ITPK1: variants seen among roughly 807,000 people sequenced by gnomAD.
ITPK1 encodes the protein inositol 1,3,4-trisphosphate 5/6-kinase.
Under a neutral mutation model 45.3 loss-of-function variants are expected in ITPK1, and 21 were observed. The ratio of observed to expected loss-of-function variants is 0.46; its 90% confidence interval spans 0.33 to 0.67. The LOEUF (loss-of-function observed/expected upper bound fraction) is 0.67. ITPK1 is among the 30% of genes least tolerant of loss of function. ITPK1 has a pLI of 0.02. For synonymous variants in ITPK1, 258 were observed against 253.6 expected (o/e 1.02, Z -0.16); for missense variants, 474 against 573.5 (o/e 0.83, Z 1.77).
intron 2 of ITPK1, among the ~76,000 whole-genome samples, chr14:93,091,806 ACCTAG>A (rs928520467): frequency 1.3e-4 from 20 of 152,260 alleles, no homozygotes; most frequent in African/African-American, 4.6e-4. Context: ...AAGGAGGCAA[ACCTAG>A]CTCTGCCAGG....
intron 2 of ITPK1, among the ~76,000 whole-genome samples, chr14:93,109,042 A>C (rs1892636425): frequency 6.6e-6 from 1 of 152,188 alleles, no homozygotes; most frequent in South Asian, 2.1e-4. Flanking sequence ...ATGAAAAAGT[A>C]AAATGCCTGT....
At chr14:93,113,965 C>T (rs1365355058) in intron 2 of ITPK1, among the ~76,000 whole-genome samples, 4 of 152,234 alleles carry the variant, frequency 2.6e-5, no homozygotes, top group African/African-American at 9.7e-5. Flanking sequence ...CTGCGCATGC[C>T]AGCTCAGACC....
rs1888189911 is a variant in ITPK1 at position 93,016,590 on chromosome 14, G to A, written c.246+86C>T. ...ACTATACCTCCAGAGAGCTGCTACC[G>A]CCCTAAATACACACACGGCCATTCC... On this transcript the variant is annotated intron_variant, in intron 4 of 10. Transcript: ENST00000267615. This position sits in a 1 kb window ranked among gnomAD's most constrained non-coding sequence, Gnocchi z 5.0. 1.1e-5 allele frequency: 16 copies of A among 1,463,788 alleles called. No homozygotes were observed. Among genetic ancestry groups the A allele is most frequent in the South Asian group, 2.4e-5 (2 of 84,566 alleles). 90.7% of individuals were successfully genotyped at this position (1,463,788 alleles called of 1,614,324 possible).
chr14:93,052,344 C>T lies in ITPK1; in HGVS notation c.120+24251G>A, dbSNP rs192493525. Among the ~76,000 whole-genome samples, 296 of 152,300 alleles carry T rather than the reference C, an allele frequency of 1.9e-3. 2 individuals are homozygous for T. Among genetic ancestry groups the T allele is most frequent in the African/African-American group, 6.4e-3 (267 of 41,558 alleles). ...TGGGCTCCTAGGAGGCCAAAGGCAA[C>T]AGACTTAGTTTCCACTAAAGGTCTT... is the stretch of plus-strand genomic sequence containing the variant. On this transcript the variant is annotated intron_variant, in intron 3 of 10. Transcript: ENST00000267615.
intron 3 of ITPK1, chr14:93,067,921 C>A (rs1319743197): frequency 6.6e-6 from 1 of 151,440 alleles, no homozygotes; most frequent in Non-Finnish European, 1.5e-5. Context: ...TTTAAAAAAA[C>A]CATAAAATCT....
chr14:93,026,546 C>T (rs570456489), intron 3 of ITPK1, among the ~76,000 whole-genome samples: 6 of 152,332 alleles, frequency 3.9e-5, no homozygotes, highest in South Asian at 2.1e-4. Context: ...ACCGTCTCGA[C>T]GGCAGCAAGT....
intron 4 of ITPK1, among the ~76,000 whole-genome samples, chr14:92,998,647 C>G (rs952483731): frequency 1.3e-5 from 2 of 152,106 alleles, no homozygotes; most frequent in African/African-American, 4.8e-5. Context: ...TCTCTCTTCT[C>G]AAATATTTTT....
chr14:93,028,283 C>G (rs982775838), intron 3 of ITPK1, among the ~76,000 whole-genome samples: 15 of 152,226 alleles, frequency 9.9e-5, no homozygotes, highest in African/African-American at 3.1e-4. Flanking sequence ...AACACAGATT[C>G]TTGAGTCACT....
chr14:92,991,750 C>A (rs1027184430), intron 5 of ITPK1, among the ~76,000 whole-genome samples: 1 of 151,802 alleles, frequency 6.6e-6, no homozygotes, highest in Non-Finnish European at 1.5e-5. Context: ...CACACACCCA[C>A]CCTGAGCCCA....
intron 2 of ITPK1, among the ~76,000 whole-genome samples, chr14:93,108,175 C>A (rs1211119386): frequency 6.6e-6 from 1 of 152,210 alleles, no homozygotes; most frequent in Non-Finnish European, 1.5e-5. Flanking sequence ...GGGCCCAATT[C>A]ATGCAGGATG....
intron 9 of ITPK1, among the ~76,000 whole-genome samples, chr14:92,948,303 C>A (rs1375630253): frequency 6.6e-6 from 1 of 152,090 alleles, no homozygotes; most frequent in East Asian, 1.9e-4. Context: ...GTACTAATTG[C>A]CACTGAATTA....
chr14:92,940,474 C>T lies in ITPK1; in HGVS notation c.*1087G>A. The stretch of plus-strand genomic sequence containing the variant: ...GGGGCGGGTGGCTCCCTGGCACCTG[C>T]TGGCTCAGTGCTTGGGGCTTGCAAT... On this transcript the variant is annotated 3_prime_UTR_variant, in exon 11 of 11. Transcript: ENST00000267615. 1 of 1,120,436 alleles carries T rather than the reference C, an allele frequency of 8.9e-7. No individual in the cohort carries two copies. The highest frequency in any genetic ancestry group is 8.0e-5 in the East Asian group (1 of 12,460). 69.4% of individuals were successfully genotyped at this position (1,120,436 alleles called of 1,614,324 possible).
At position 92,941,225 on chromosome 14, in the gene ITPK1, T is replaced by C; in HGVS notation, c.*336A>G. On this transcript the variant is annotated 3_prime_UTR_variant, in exon 11 of 11. Transcript: ENST00000267615. ...GGCCATGGAGACCAACAGACAGGGA[T>C]GTGCACAGACACTGGCATGGCAGCC... The C allele has an allele frequency of 7.7e-7, 1 of 1,306,338 alleles. No homozygotes were observed. Among genetic ancestry groups the C allele is most frequent in the Non-Finnish European group, 9.8e-7 (1 of 1,021,528 alleles). 80.9% of individuals were successfully genotyped at this position (1,306,338 alleles called of 1,614,324 possible). A position where few individuals can be genotyped will look rare whatever the true frequency, so the allele number is the denominator to read the frequency against.
At position 93,016,657 on chromosome 14, in the gene ITPK1, C is replaced by A. The variant is rs1181274320; in HGVS notation, c.246+19G>T. 2 of 1,613,156 alleles carry A rather than the reference C, an allele frequency of 1.2e-6. No individual in the cohort carries two copies. Among genetic ancestry groups the A allele is most frequent in the East Asian group, 2.2e-5 (1 of 44,886 alleles). On this transcript the variant is annotated intron_variant, in intron 4 of 10. Coordinates refer to ENST00000267615, the MANE Select transcript of ITPK1 (RefSeq NM_014216.6). The surrounding 1 kb of genome is among the most constrained non-coding windows in gnomAD (Gnocchi z 5.0). ...CTCCTGAAAATGCCACAGCCAAGGG[C>A]TGCATGGTCCTCACTCACCTGGAAC... is the stretch of plus-strand genomic sequence containing the variant.
At chr14:93,099,106 TC>T (rs1892205269) in intron 2 of ITPK1, among the ~76,000 whole-genome samples, 1 of 152,104 alleles carries the variant, frequency 6.6e-6, no homozygotes, top group Admixed American at 6.6e-5. Flanking sequence ...CCTCTCCCCT[TC>T]CGGGTGGAAA....
At chr14:92,997,914 C>G (rs979071704) in intron 4 of ITPK1, among the ~76,000 whole-genome samples, 1 of 152,238 alleles carries the variant, frequency 6.6e-6, no homozygotes, top group African/African-American at 2.4e-5. Flanking sequence ...ACAGAGACAA[C>G]TGGCCCTTTG....
At chr14:93,106,128 C>T (rs907512176) in intron 2 of ITPK1, among the ~76,000 whole-genome samples, 1 of 152,154 alleles carries the variant, frequency 6.6e-6, no homozygotes, top group African/African-American at 2.4e-5. Flanking sequence ...TGAGACCTAA[C>T]CTGATTCTTG....
At chr14:93,088,174 G>A (rs1270143516) in intron 2 of ITPK1, among the ~76,000 whole-genome samples, 2 of 152,164 alleles carry the variant, frequency 1.3e-5, no homozygotes, top group Admixed American at 6.5e-5. Flanking sequence ...GAGCTCTCTC[G>A]TTCCCCACCC....
At chr14:92,980,406 C>T (rs1483530598) in intron 5 of ITPK1, among the ~76,000 whole-genome samples, 1 of 152,194 alleles carries the variant, frequency 6.6e-6, no homozygotes, top group Non-Finnish European at 1.5e-5. Context: ...AACAAGTCCA[C>T]TCCAAGCCAG....
Sources: gnomAD v4.1 joint callset for allele counts (sites outside exome capture counted in the v4.1 genomes callset) on GRCh38, gnomAD v4.1.1 for gene constraint, Gnocchi (gnomAD v3.1) non-coding constraint, MANE v1.5 for transcripts, NCBI Gene and HGNC (gene_info 2026-07-23, HGNC 2026-07-21) for gene names.